RADIL: variants seen among roughly 807,000 people sequenced by gnomAD.
RADIL encodes Rap associating with DIL domain, also known as ras-associating and dilute domain-containing protein.
RADIL carries 99 observed loss-of-function variants against 97.6 expected under a neutral mutation model. The observed-to-expected ratio is 1.01, with a 90% CI of 0.86 to 1.20. RADIL has a LOEUF of 1.20. RADIL is among the 50% of genes most tolerant of loss of function. The pLI, the probability that RADIL is intolerant of heterozygous loss-of-function variation, is 0.00. For missense variants in RADIL, 1,765 were observed against 1,498.9 expected, an observed-to-expected ratio of 1.18 and a Z score of -2.93; for synonymous variants, 803 against 691.8, an observed-to-expected ratio of 1.16 and a Z score of -2.52.
chr7:4,877,571 C>A (rs1784401036), intron 2 of RADIL, 34 bp downstream of exon 2: 2 of 1,561,126 alleles, frequency 1.3e-6, no homozygotes, highest in East Asian at 4.5e-5. Flanking sequence ...GCGCTCAGAC[C>A]CACGGCTCTT....
chr7:4,880,925 C>G lies in RADIL; in HGVS notation c.-65+2671G>C, dbSNP rs1784469950. Among the ~76,000 whole-genome samples, 1 of 152,042 alleles carries G rather than the reference C, an allele frequency of 6.6e-6. No homozygotes were observed. The highest frequency in any genetic ancestry group is 6.6e-5 in the Admixed American group (1 of 15,250). On this transcript the variant is annotated intron_variant, in intron 1 of 14. Coordinates refer to ENST00000399583, the MANE Select transcript of RADIL (RefSeq NM_018059.5). The surrounding 1 kb of genome is among the most constrained non-coding windows in gnomAD (Gnocchi z 4.5). ...TAGCCTGGGCAACATAACAAGATCC[C>G]AATCTCTACAGAAAATAAAAATAAA...
rs892566078 is a variant in RADIL at position 4,873,068 on chromosome 7, T to G, written c.535+4537A>C. 2.0e-5 allele frequency among the ~76,000 whole-genome samples: 3 copies of G among 152,154 alleles called. No homozygotes were observed. Among genetic ancestry groups the G allele is most frequent in the African/African-American group, 4.8e-5 (2 of 41,432 alleles). On this transcript the variant is annotated intron_variant, in intron 2 of 14. Coordinates refer to ENST00000399583, the MANE Select transcript of RADIL (RefSeq NM_018059.5). This position sits in a 1 kb window ranked among gnomAD's most constrained non-coding sequence, Gnocchi z 4.3. ...TTCTCTGCCTCCCAAGTAGCTGGGA[T>G]TACAGGTATGCACCATCATGCCCGG...
chr7:4,822,363 C>CG lies in RADIL; in HGVS notation c.1615+30dup, dbSNP rs1782857079. On this transcript the variant is annotated intron_variant, in intron 6 of 14. Coordinates refer to ENST00000399583, the MANE Select transcript of RADIL (RefSeq NM_018059.5). The surrounding 1 kb of genome is among the most constrained non-coding windows in gnomAD (Gnocchi z 5.3). The stretch of plus-strand genomic sequence containing the variant: ...CACACTCCCCTGCCTGGGGTGCTGG[C>CG]GGGGGGAATGGAGGGCAGCGCCAGC... 2.5e-6 allele frequency: 4 copies of CG among 1,588,730 alleles called. No homozygotes were observed. The highest frequency in any genetic ancestry group is 1.1e-5 in the South Asian group (1 of 88,054).
chr7:4,801,810 CG>C lies in RADIL; in HGVS notation c.2684del (p.Pro895ArgfsTer96). 6.2e-7 allele frequency: 1 copy of C among 1,601,000 alleles called. No homozygotes were observed. The highest frequency in any genetic ancestry group is 8.5e-7 in the Non-Finnish European group (1 of 1,174,178). On this transcript the variant is annotated frameshift_variant, in exon 12 of 15. Coordinates refer to ENST00000399583, the MANE Select transcript of RADIL (RefSeq NM_018059.5). LOFTEE classifies it high-confidence loss of function. ...TGAGCAAGCAGGACGAGTCCGTGTG[CG>C]GGGGGCCAGCCTGGGAGCCCCCACG... is the stretch of plus-strand genomic sequence containing the variant. ...PSRGGSQAGP[P>X]HTDSSCLLTP...
chr7:4,847,435 G>A (rs190836851), intron 2 of RADIL, among the ~76,000 whole-genome samples: 135 of 152,218 alleles, frequency 8.9e-4, no homozygotes, highest in African/African-American at 2.7e-3. Context: ...ACAGCTTGTC[G>A]GTTTGTTAAA....
intron 12 of RADIL, among the ~76,000 whole-genome samples, 170 bp downstream of exon 12, chr7:4,801,483 G>A (rs1225122876): frequency 6.6e-6 from 1 of 152,224 alleles, no homozygotes; most frequent in Non-Finnish European, 1.5e-5. Context: ...GCTGCTGGGG[G>A]CTGAGCAGCC....
chr7:4,859,269 T>C (rs1444807754), intron 2 of RADIL: 1 of 152,640 alleles, frequency 6.6e-6, no homozygotes, highest in South Asian at 2.1e-4. Flanking sequence ...CTAAAATTAG[T>C]TCTACTTTCT....
chr7:4,818,902 G>T lies in RADIL; in HGVS notation c.1616-1551C>A, dbSNP rs1025068046. ...GCCTCCAGCCACCCACCACGGGCCTGAGACTCCATTTCTTCTTTTATTTAA... is the reference window on the plus strand; with the variant it reads ...GCCTCCAGCCACCCACCACGGGCCTTAGACTCCATTTCTTCTTTTATTTAA... On this transcript the variant is annotated intron_variant, in intron 6 of 14. Transcript: ENST00000399583. This position sits in a 1 kb window ranked among gnomAD's most constrained non-coding sequence, Gnocchi z 7.1. Among the ~76,000 whole-genome samples the T allele has an allele frequency of 6.6e-5, 10 of 152,104 alleles. No homozygotes were observed. The highest frequency in any genetic ancestry group is 1.0e-4 in the Non-Finnish European group (7 of 68,020).
chr7:4,821,112 T>C lies in RADIL; in HGVS notation c.1615+1282A>G, dbSNP rs1782819244. 6.6e-6 allele frequency among the ~76,000 whole-genome samples: 1 copy of C among 152,176 alleles called. No homozygotes were observed. Among genetic ancestry groups the C allele is most frequent in the South Asian group, 2.1e-4 (1 of 4,830 alleles). On this transcript the variant is annotated intron_variant, in intron 6 of 14. Transcript: ENST00000399583. This position sits in a 1 kb window ranked among gnomAD's most constrained non-coding sequence, Gnocchi z 5.2. ...CTGAGCCTGTGGGAGCTCCTGTCCC[T>C]GCACACCGGGCCTGCGCCTCCCTCG...
intron 2 of RADIL, chr7:4,865,837 C>A: frequency 1.4e-6 from 1 of 720,418 alleles, no homozygotes; most frequent in Non-Finnish European, 2.5e-6. Flanking sequence ...GGTGAGTGAA[C>A]CCCTTTTCTG....
At chr7:4,803,822 C>T in intron 10 of RADIL, 68 bp from the exon 11 acceptor site, 1 of 1,420,526 alleles carries the variant, frequency 7.0e-7, no homozygotes, top group Non-Finnish European at 9.7e-7. Context: ...GCCGCCCCGC[C>T]CAACGGTGTG....
At chr7:4,874,855 C>G (rs1350137238) in intron 2 of RADIL, among the ~76,000 whole-genome samples, 2 of 151,964 alleles carry the variant, frequency 1.3e-5, no homozygotes, top group Non-Finnish European at 2.9e-5. Flanking sequence ...GTCCGGAGTT[C>G]GAGACCAGCC....
In RADIL at chr7:4,877,805, A is replaced by G. The variant is rs2115053820; in HGVS notation, c.335T>C (p.Leu112Pro). ...LDPRQAGQYV[L>P]CDVVGQAGDA... ...GCCGGCTTGGCCCACCACGTCACAC[A>G]GCACGTACTGGCCGGCCTGCCTGGG... The change falls in exon 2 of 15, where the codon CTG becomes CCG. Residue 112 changes from leucine to proline, a missense_variant. Transcript: ENST00000399583. The G allele has an allele frequency of 6.2e-7, 1 of 1,610,792 alleles. No homozygotes were observed. Among genetic ancestry groups the G allele is most frequent in the Non-Finnish European group, 8.5e-7 (1 of 1,179,896 alleles).
chr7:4,844,879 C>T (rs888952181), intron 2 of RADIL, among the ~76,000 whole-genome samples: 1 of 152,026 alleles, frequency 6.6e-6, no homozygotes, highest in African/African-American at 2.4e-5. Context: ...GCTGGGATTA[C>T]AGGTATGAGC....
At chr7:4,803,047 C>T (rs1323228728) in intron 11 of RADIL, among the ~76,000 whole-genome samples, 1 of 75,370 alleles carries the variant, frequency 1.3e-5, no homozygotes, top group African/African-American at 1.1e-4. Context: ...GGGGCCCCCT[C>T]CCCGGGTACC....
intron 2 of RADIL, chr7:4,858,591 C>A (rs1314776237): frequency 6.6e-6 from 1 of 152,406 alleles, no homozygotes; most frequent in Non-Finnish European, 1.5e-5. Flanking sequence ...GAAGAAAATG[C>A]CTTTTTGCTT....
rs1226342202 is a variant in RADIL, at chr7:4,821,619, C to G, written c.1615+775G>C. On this transcript the variant is annotated intron_variant, in intron 6 of 14. Transcript: ENST00000399583. This position sits in a 1 kb window ranked among gnomAD's most constrained non-coding sequence, Gnocchi z 5.2. ...GTGGCTCATGCCTGTAATCCCAGCACTTTGGGAGGCTGAGGTGGGGCGGAT... is the reference window on the plus strand; with the variant it reads ...GTGGCTCATGCCTGTAATCCCAGCAGTTTGGGAGGCTGAGGTGGGGCGGAT... 6.6e-6 allele frequency among the ~76,000 whole-genome samples: 1 copy of G among 152,122 alleles called. No individual in the cohort carries two copies. The highest frequency in any genetic ancestry group is 1.5e-5 in the Non-Finnish European group (1 of 68,020).
rs1396638074 is a variant in RADIL at position 4,824,134 on chromosome 7, G to A, written c.1455-1580C>T. Among the ~76,000 whole-genome samples, 2 of 152,258 alleles carry A rather than the reference G, an allele frequency of 1.3e-5. No homozygotes were observed. The highest frequency in any genetic ancestry group is 2.9e-5 in the Non-Finnish European group (2 of 68,044). ...CAGATCTGACTTGGGTCTGCCTGGG[G>A]TGTGGAGGGCGGCCCTGCTGCCTGC... On this transcript the variant is annotated intron_variant, in intron 5 of 14. Coordinates refer to ENST00000399583, the MANE Select transcript of RADIL (RefSeq NM_018059.5). The surrounding 1 kb of genome is among the most constrained non-coding windows in gnomAD (Gnocchi z 6.7).
rs775331818 is a variant in RADIL, at chr7:4,875,190, TCCA to T, written c.535+2412_535+2414del. The stretch of plus-strand genomic sequence containing the variant: ...CTGGGCGACAGAGCGAGACTCCATC[TCCA>T]ACAACAACAACAACAACAACAACAA... On this transcript the variant is annotated intron_variant, in intron 2 of 14. Coordinates refer to ENST00000399583, the MANE Select transcript of RADIL (RefSeq NM_018059.5). Among the ~76,000 whole-genome samples the T allele has an allele frequency of 4.2e-5, 4 of 95,276 alleles. No homozygotes were observed. The South Asian group carries it at 1.5e-3, about 36-fold the overall frequency. 62.5% of individuals were successfully genotyped at this position (95,276 alleles called of 152,430 possible).
Sources: allele counts gnomAD v4.1 joint callset (sites outside exome capture counted in the v4.1 genomes callset), GRCh38; gene constraint gnomAD v4.1.1; non-coding constraint Gnocchi (gnomAD v3.1); transcripts MANE v1.5; gene names NCBI Gene and HGNC (gene_info 2026-07-23, HGNC 2026-07-21).